The following FREM2 variants were observed in gnomAD, a reference collection of about 807,000 sequenced individuals.
The protein encoded by FREM2 is FRAS1 related extracellular matrix 2, also known as FRAS1-related extracellular matrix protein 2.
A neutral mutation model predicts 219.9 loss-of-function variants in FREM2; 119 were observed. The observed-to-expected ratio is 0.54, with a 90% CI of 0.47 to 0.63. The LOEUF is 0.63. Among genes scored for constraint, FREM2 ranks in the 30% least tolerant of loss-of-function variants. The pLI is 0.00. For missense variants in FREM2, 4,030 were observed against 3,993.6 expected, an observed-to-expected ratio of 1.01 and a Z score of -0.25; for synonymous variants, 1,562 against 1,522.8, an observed-to-expected ratio of 1.03 and a Z score of -0.60.
At chr13:38,876,406 T>G in intron 20 of FREM2, 24 bp downstream of exon 20, 1 of 1,605,000 alleles carries the variant, frequency 6.2e-7, no homozygotes. Context: ...AATTACTATC[T>G]TATGACTTGC....
At chr13:38,713,426 C>T (rs1593359716) in intron 2 of FREM2, among the ~76,000 whole-genome samples, 1 of 152,282 alleles carries the variant, frequency 6.6e-6, no homozygotes, top group African/African-American at 2.4e-5. Flanking sequence ...ATCTATAATG[C>T]ATACTCTTAT....
chr13:38,724,980 G>A lies in FREM2; in HGVS notation c.5263+27193G>A, dbSNP rs149643122. On this transcript the variant is annotated intron_variant, in intron 2 of 23. Transcript: ENST00000280481. ...AGCTAGGGATGTTGCTAGGGAAAAA[G>A]GAAATATGTCCTGGAATGGAATATT... Among the ~76,000 whole-genome samples the A allele has an allele frequency of 7.2e-5, 11 of 152,234 alleles. No individual in the cohort carries two copies. In the East Asian group the frequency reaches 2.1e-3, roughly 29 times the overall value.
chr13:38,872,744 C>G lies in FREM2; in HGVS notation c.7986C>G (p.Val2662=), dbSNP rs1236028558. Reference sequence around the variant, plus strand: ...TTGATGTAATTTTGTTGTTTTAGGTCCTAAACCTAGTGCAGTCCTATGTGA... The same window carrying G: ...TTGATGTAATTTTGTTGTTTTAGGTGCTAAACCTAGTGCAGTCCTATGTGA... ...CGGTIGTDGQ[V]LNLVQSYVTL... The change falls in exon 17 of 24, where the codon GTC becomes GTG. Residue 2662 remains valine, a splice_region_variant and synonymous_variant. Coordinates refer to ENST00000280481, the MANE Select transcript of FREM2 (RefSeq NM_207361.6). 2 of 1,613,758 alleles carry G rather than the reference C, an allele frequency of 1.2e-6. No individual in the cohort carries two copies. The highest frequency in any genetic ancestry group is 2.2e-5 in the East Asian group (1 of 44,882).
intron 4 of FREM2, chr13:38,779,523 T>A (rs1874031078): frequency 6.6e-6 from 1 of 152,148 alleles, no homozygotes; most frequent in Non-Finnish European, 1.5e-5. Flanking sequence ...TTTTGCTGCC[T>A]GAGTGATGGT....
chr13:38,801,831 G>A (rs1204596437), intron 6 of FREM2, among the ~76,000 whole-genome samples: 2 of 152,140 alleles, frequency 1.3e-5, no homozygotes, highest in East Asian at 1.9e-4. Context: ...GGCTTGCTCA[G>A]ATGCTATCAG....
rs777127152 is a variant in FREM2, at chr13:38,688,430, A to C, written c.1086A>C (p.Pro362=). The C allele has an allele frequency of 6.2e-7, 1 of 1,613,808 alleles. No individual in the cohort carries two copies. Among genetic ancestry groups the C allele is most frequent in the Admixed American group, 1.7e-5 (1 of 59,974 alleles). The change falls in exon 1 of 24, where the codon CCA becomes CCC. Residue 362 remains proline, a synonymous_variant. Coordinates refer to ENST00000280481, the MANE Select transcript of FREM2 (RefSeq NM_207361.6). The part of the protein sequence containing the change: ...SDLLIFNLTS[P]FQPGQGYLVS... ...TGTTGATCTTCAACCTTACTTCTCC[A>C]TTCCAGCCTGGCCAGGGCTACTTGG... is the stretch of plus-strand genomic sequence containing the variant.
At chr13:38,751,345 A>G (rs1487408358) in intron 2 of FREM2, among the ~76,000 whole-genome samples, 1 of 152,016 alleles carries the variant, frequency 6.6e-6, no homozygotes, top group African/African-American at 2.4e-5. Context: ...GCGTGGTGCA[A>G]ATTATGTCTC....
intron 2 of FREM2, among the ~76,000 whole-genome samples, chr13:38,736,866 T>C (rs1872018157): frequency 1.5e-5 from 1 of 66,034 alleles, no homozygotes; most frequent in Admixed American, 1.2e-4. Context: ...GCAAACCGTT[T>C]GTTTTTTTTT....
At chr13:38,785,222 G>T (rs1874279651) in intron 6 of FREM2, among the ~76,000 whole-genome samples, 1 of 152,112 alleles carries the variant, frequency 6.6e-6, no homozygotes, top group Non-Finnish European at 1.5e-5. Flanking sequence ...TGTCGGGCAA[G>T]GCTGTTAAAT....
chr13:38,726,928 G>A lies in FREM2; in HGVS notation c.5263+29141G>A, dbSNP rs78734071. ...GAGTTAAGTGGTAGTTCAGTTAATC[G>A]GTAAAACTGCCAAGTTGCCAGGTAC... On this transcript the variant is annotated intron_variant, in intron 2 of 23. Transcript: ENST00000280481. Among the ~76,000 whole-genome samples, 989 of 152,294 alleles carry A rather than the reference G, an allele frequency of 6.5e-3. 20 individuals are homozygous for A. Among genetic ancestry groups the A allele is most frequent in the African/African-American group, 0.023 (951 of 41,562 alleles).
intron 6 of FREM2, among the ~76,000 whole-genome samples, chr13:38,791,232 G>A (rs973686895): frequency 2.0e-5 from 3 of 152,106 alleles, no homozygotes; most frequent in Non-Finnish European, 4.4e-5. Flanking sequence ...ACTCTTCGTC[G>A]ATATGCTTTT....
chr13:38,840,422 CTTTT>C (rs66970622), intron 6 of FREM2, among the ~76,000 whole-genome samples: 8 of 132,118 alleles, frequency 6.1e-5, no homozygotes, highest in Non-Finnish European at 8.0e-5. Context: ...GGGATTTCTC[CTTTT>C]TTTTTTTTTT....
chr13:38,687,933 A>G lies in FREM2; in HGVS notation c.589A>G (p.Ser197Gly). Residue 197 changes from serine to glycine, a missense_variant, in exon 1 of 24, where the codon AGC (serine) becomes GGC (glycine). By Grantham distance (56) the Ser-to-Gly change is moderately conservative. Transcript: ENST00000280481. Reference protein sequence around the residue: ...PLVVEELLGTSNALDARSLEF... With the variant: ...PLVVEELLGTGNALDARSLEF... Reference sequence around the variant, plus strand: ...GGTCGTGGAAGAGCTGCTGGGGACCAGCAATGCCCTGGACGCGCGGAGCCT... The same window carrying G: ...GGTCGTGGAAGAGCTGCTGGGGACCGGCAATGCCCTGGACGCGCGGAGCCT... The G allele has an allele frequency of 6.2e-7, 1 of 1,604,020 alleles. No individual in the cohort carries two copies. The highest frequency in any genetic ancestry group is 1.1e-5 in the South Asian group (1 of 89,962).
chr13:38,822,828 C>T (rs1209933230), intron 6 of FREM2, among the ~76,000 whole-genome samples: 1 of 152,032 alleles, frequency 6.6e-6, no homozygotes, highest in African/African-American at 2.4e-5. Context: ...AATTTTATGA[C>T]TCTGTTCAAC....
chr13:38,886,137 T>G lies in FREM2; in HGVS notation c.*5350T>G, dbSNP rs577234667. 6.6e-6 allele frequency: 1 copy of G among 152,084 alleles called. No homozygotes were observed. Among genetic ancestry groups the G allele is most frequent in the African/African-American group, 2.4e-5 (1 of 41,430 alleles). 9.4% of individuals were successfully genotyped at this position (152,084 alleles called of 1,614,324 possible). A position where few individuals can be genotyped will look rare whatever the true frequency, so the allele number is the denominator to read the frequency against. On this transcript the variant is annotated 3_prime_UTR_variant, in exon 24 of 24. Coordinates refer to ENST00000280481, the MANE Select transcript of FREM2 (RefSeq NM_207361.6). Reference sequence around the variant, plus strand: ...CTCAAGAAAGAAGAAAAAATAAGAATGTAAATTTTTAAAAGCTAGCATTAA... The same window carrying G: ...CTCAAGAAAGAAGAAAAAATAAGAAGGTAAATTTTTAAAAGCTAGCATTAA...
intron 2 of FREM2, among the ~76,000 whole-genome samples, chr13:38,723,153 T>C (rs767961671): frequency 7.2e-5 from 11 of 152,134 alleles, no homozygotes; most frequent in Non-Finnish European, 1.3e-4. Context: ...GAGAATCACT[T>C]GAACCTGGGA....
intron 23 of FREM2, among the ~76,000 whole-genome samples, chr13:38,879,197 A>C (rs1878457770): frequency 2.0e-5 from 3 of 152,234 alleles, no homozygotes; most frequent in Admixed American, 2.0e-4. Context: ...TTTGTTAGCA[A>C]TATATCTGGC....
chr13:38,858,339 T>C (rs1158466802), intron 13 of FREM2, among the ~76,000 whole-genome samples: 1 of 152,154 alleles, frequency 6.6e-6, no homozygotes, highest in African/African-American at 2.4e-5. Context: ...ATATAGGAAT[T>C]GGTAACTCTA....
Position 38,690,255 on chromosome 13 carries a change from G to C in FREM2, c.2911G>C (p.Gly971Arg), listed in dbSNP as rs765860471. The change falls in exon 1 of 24, where the codon GGG becomes CGG. Residue 971 changes from glycine (G) to arginine (R), a missense_variant. Around this residue, in one of 2 missense-constraint regions of FREM2, gnomAD observed 3,102 missense variants for 2,950.7 expected, o/e 1.05. Transcript: ENST00000280481. Reference protein sequence around the residue: ...ATEITANVIKGTNEETDDLML... With the variant: ...ATEITANVIKRTNEETDDLML... ...TGAAATCACTGCCAATGTTATTAAG[G>C]GGACCAATGAGGAAACTGATGACTT... is the stretch of plus-strand genomic sequence containing the variant. 1.2e-6 allele frequency: 2 copies of C among 1,614,150 alleles called. No individual in the cohort carries two copies. Among genetic ancestry groups the C allele is most frequent in the Non-Finnish European group, 1.7e-6 (2 of 1,180,018 alleles).
Sources: allele counts gnomAD v4.1 joint callset (sites outside exome capture counted in the v4.1 genomes callset), GRCh38; gene constraint gnomAD v4.1.1; regional missense constraint gnomAD v4.1.1; transcripts MANE v1.5; gene names NCBI Gene and HGNC (gene_info 2026-07-23, HGNC 2026-07-21).